Variants in URI1 observed in about 807,000 individuals in gnomAD.
URI1 encodes the protein URI1 prefoldin like chaperone, also known as unconventional prefoldin RPB5 interactor 1.
In URI1, 39 loss-of-function variants were observed where a neutral mutation model predicts 60.2. The ratio of observed to expected loss-of-function variants is 0.65; its 90% confidence interval spans 0.50 to 0.85. The LOEUF is 0.85. Ranked by LOEUF, URI1 falls within the 40% of genes least tolerant of loss-of-function variation. The pLI is 0.00. For synonymous variants in URI1, 251 were observed against 236.8 expected, an observed-to-expected ratio of 1.06 and a Z score of -0.55; for missense variants, 691 against 665.9, an observed-to-expected ratio of 1.04 and a Z score of -0.42.
In URI1 at chr19:30,013,727, C is replaced by T. The variant is rs563235734; in HGVS notation, c.1426-1160C>T. On this transcript the variant is annotated intron_variant, in intron 10 of 10. Transcript: ENST00000392271. The stretch of plus-strand genomic sequence containing the variant: ...CTTTGGAAGATATCCTTTTCAGTAT[C>T]TTTTTAAATGCTAAAATACCTCTTT... 2.0e-5 allele frequency among the ~76,000 whole-genome samples: 3 copies of T among 152,144 alleles called. No homozygotes were observed. The South Asian group carries it at 6.2e-4, about 32-fold the overall frequency.
chr19:29,980,076 T>G (rs2055573914), intron 2 of URI1: 1 of 152,196 alleles, frequency 6.6e-6, no homozygotes, highest in South Asian at 2.1e-4. Context: ...TCATTATTTC[T>G]TGCTTTAGTA....
chr19:29,950,784 C>G (rs1001873458), intron 1 of URI1, among the ~76,000 whole-genome samples: 1 of 152,320 alleles, frequency 6.6e-6, no homozygotes, highest in East Asian at 1.9e-4. Flanking sequence ...AAGAGCCAAT[C>G]AGAGATTACT....
chr19:30,015,452 T>A lies in URI1; in HGVS notation c.*383T>A, dbSNP rs1445515932. ...CCATATGGACCATTTTAAAGAAAAT[T>A]TTAAAATTTCAAATAGATTCAACAA... On this transcript the variant is annotated 3_prime_UTR_variant, in exon 11 of 11. Coordinates refer to ENST00000392271, the MANE Select transcript of URI1 (RefSeq NM_003796.3). The A allele has an allele frequency of 1.3e-6, 2 of 1,511,474 alleles. No individual in the cohort carries two copies. The highest frequency in any genetic ancestry group is 1.8e-6 in the Non-Finnish European group (2 of 1,138,808). The allele number at this position is 1,511,474 out of a possible 1,614,324, so 93.6% of individuals were successfully genotyped here. A position where few individuals can be genotyped will look rare whatever the true frequency, so the allele number is the denominator to read the frequency against.
At chr19:29,941,131 C>G (rs2055018920), upstream of URI1, among the ~76,000 whole-genome samples, 1 of 152,220 alleles carries the variant, frequency 6.6e-6, no homozygotes, top group Non-Finnish European at 1.5e-5. Flanking sequence ...GCAGAGCAAG[C>G]AGGCACACCA....
chr19:29,932,654 C>CTTT (rs34146888), intron 1 of URI1, among the ~76,000 whole-genome samples: 6 of 131,550 alleles, frequency 4.6e-5, no homozygotes, highest in Non-Finnish European at 9.4e-5. Context: ...CCCTTCATTC[C>CTTT]TTTTTTTTTT....
rs1568451458 is a variant in URI1, at chr19:30,015,579, A to G, written c.*510A>G. On this transcript the variant is annotated 3_prime_UTR_variant, in exon 11 of 11. Coordinates refer to ENST00000392271, the MANE Select transcript of URI1 (RefSeq NM_003796.3). ...TATTCAAGAAACCTCGCCCCTCTGA[A>G]TGTCATACTGTAATCTTTAAGGAAG... 1 of 1,533,712 alleles carries G rather than the reference A, an allele frequency of 6.5e-7. No homozygotes were observed. The highest frequency in any genetic ancestry group is 2.5e-5 in the East Asian group (1 of 40,770).
Position 30,009,219 on chromosome 19 carries a change from GAT to G in URI1, c.902_903del (p.Asp301GlyfsTer2). The G allele has an allele frequency of 6.3e-7, 1 of 1,586,754 alleles. No homozygotes were observed. The highest frequency in any genetic ancestry group is 8.6e-7 in the Non-Finnish European group (1 of 1,159,648). Reference protein sequence around the residue: ...NGSSSYHSDDDDDDDDDDDDD... With the variant: ...NGSSSYHSDDXDDDDDDDDDD... ...TTCCAGTTCTTACCACAGTGATGAT[GAT>G]GATGATGATGATGATGACGACGACG... is the stretch of plus-strand genomic sequence containing the variant. On this transcript the variant is annotated frameshift_variant, in exon 8 of 11. Transcript: ENST00000392271. LOFTEE classifies it high-confidence loss of function.
chr19:30,012,609 T>C, intron 10 of URI1, 78 bp downstream of exon 10: 3 of 1,506,358 alleles, frequency 2.0e-6, no homozygotes, highest in Non-Finnish European at 2.7e-6. Context: ...TGAAAAGTCA[T>C]AAGATTAAAT....
Position 30,011,216 on chromosome 19 carries a change from G to GAC in URI1, c.1159_1160dup (p.Pro388ArgfsTer13). ...CTGCCCAGGAGCTGCCGACCATCAG[G>GAC]ACGCCTGCAGACATTTACAGGTGGG... On this transcript the variant is annotated frameshift_variant, in exon 9 of 11. Transcript: ENST00000392271. LOFTEE classifies it high-confidence loss of function. The GAC allele has an allele frequency of 2.5e-6, 4 of 1,609,310 alleles. No individual in the cohort carries two copies. The highest frequency in any genetic ancestry group is 3.4e-6 in the Non-Finnish European group (4 of 1,178,600).
chr19:29,959,476 G>A (rs910193133), intron 1 of URI1, among the ~76,000 whole-genome samples: 5 of 152,164 alleles, frequency 3.3e-5, no homozygotes, highest in East Asian at 1.9e-4. Flanking sequence ...CAACAAAGCC[G>A]TCTGGGCCCA....
At chr19:29,926,277 TTCCTTCC>T (rs2054866738) in intron 1 of URI1, among the ~76,000 whole-genome samples, 2 of 143,538 alleles carry the variant, frequency 1.4e-5, no homozygotes, top group Non-Finnish European at 3.0e-5. Context: ...CCTTCCTTCC[TTCCTTCC>T]TACCTTCTTT....
At chr19:29,953,394 C>G (rs1007516100) in intron 1 of URI1, among the ~76,000 whole-genome samples, 1 of 152,140 alleles carries the variant, frequency 6.6e-6, no homozygotes, top group Non-Finnish European at 1.5e-5. Context: ...GTCAAGAGTG[C>G]TACTAGCTCT....
chr19:29,944,185 ATATATATAAAACTTAACTAGTT>A (rs2055073912), intron 1 of URI1, among the ~76,000 whole-genome samples: 1 of 100,716 alleles, frequency 9.9e-6, no homozygotes, highest in East Asian at 3.3e-4. Flanking sequence ...ATATATATAT[ATATATATAAAACTTAACTAGTT>A]TGGCGTCTTT....
intron 4 of URI1, among the ~76,000 whole-genome samples, chr19:30,000,234 CT>C (rs1424027435): frequency 6.6e-6 from 1 of 151,882 alleles, no homozygotes; most frequent in Non-Finnish European, 1.5e-5. Context: ...CAGTCAGATA[CT>C]TTTTTTGTTG....
At chr19:29,929,881 G>T (rs987344464) in intron 1 of URI1, among the ~76,000 whole-genome samples, 1 of 150,838 alleles carries the variant, frequency 6.6e-6, no homozygotes, top group Non-Finnish European at 1.5e-5. Flanking sequence ...TAAGATACAA[G>T]ATTTGCAAGT....
intron 1 of URI1, among the ~76,000 whole-genome samples, 196 bp downstream of exon 1, chr19:29,942,860 C>A (rs57838780): frequency 0.012 from 1,785 of 152,226 alleles, 43 homozygotes; most frequent in African/African-American, 0.041. Flanking sequence ...GTGTGCAGCC[C>A]GTTCGCCTGC....
chr19:29,936,530 G>C (rs770674911), intron 1 of URI1, among the ~76,000 whole-genome samples: 8 of 152,180 alleles, frequency 5.3e-5, no homozygotes, highest in Non-Finnish European at 8.8e-5. Flanking sequence ...ATCTGGCTGT[G>C]AGTTTCAGTA....
intron 4 of URI1, among the ~76,000 whole-genome samples, chr19:30,002,985 G>A (rs757255880): frequency 1.3e-5 from 2 of 151,968 alleles, no homozygotes; most frequent in Admixed American, 6.6e-5. Context: ...TTAGTGACAT[G>A]TATATTTCAC....
intron 3 of URI1, 138 bp downstream of exon 3, chr19:29,985,439 T>C: frequency 1.6e-6 from 1 of 606,444 alleles, no homozygotes; most frequent in Non-Finnish European, 2.7e-6. Flanking sequence ...TTGTTTTACT[T>C]TATAAGAACA....
Sources: allele counts gnomAD v4.1 joint callset (sites outside exome capture counted in the v4.1 genomes callset), GRCh38; gene constraint gnomAD v4.1.1; transcripts MANE v1.5; gene names NCBI Gene and HGNC (gene_info 2026-07-23, HGNC 2026-07-21).